MTTP: variants seen among roughly 807,000 people sequenced by gnomAD.
MTTP encodes the protein microsomal triglyceride transfer protein, also known as microsomal triglyceride transfer protein large subunit.
Under a neutral mutation model 90.6 loss-of-function variants are expected in MTTP, and 49 were observed. The observed-to-expected ratio is 0.54, with a 90% CI of 0.43 to 0.69. The LOEUF (loss-of-function observed/expected upper bound fraction) is 0.69, where lower values mean the gene tolerates loss of function less well. Among genes scored for constraint, MTTP ranks in the 30% least tolerant of loss-of-function variants. The pLI is 0.00. For missense variants in MTTP, 945 were observed against 1,067.5 expected, an observed-to-expected ratio of 0.89 and a Z score of 1.60; for synonymous variants, 347 against 384.2, an observed-to-expected ratio of 0.90 and a Z score of 1.13.
In MTTP at chr4:99,619,038, T is replaced by C; in HGVS notation, c.2282T>C (p.Ile761Thr). The change falls in exon 16 of 18, where the codon ATT (isoleucine) becomes ACT (threonine). Residue 761 changes from isoleucine (I) to threonine (T), a missense_variant. By Grantham distance (89) the Ile-to-Thr change is moderately conservative (BLOSUM62 -1). Transcript: ENST00000265517. ...GTCCAGGGTGGTCTAGCTATTGATA[T>C]TTCAGGTGCAATGGAGTTTAGCTTG... Reference protein sequence around the residue: ...IEVQGGLAIDISGAMEFSLWY... With the variant: ...IEVQGGLAIDTSGAMEFSLWY... 6.2e-7 allele frequency: 1 copy of C among 1,613,744 alleles called. No homozygotes were observed. Among genetic ancestry groups the C allele is most frequent in the Non-Finnish European group, 8.5e-7 (1 of 1,179,694 alleles).
chr4:99,582,181 C>T (rs1216116201), intron 2 of MTTP, 89 bp downstream of exon 2: 16 of 1,324,950 alleles, frequency 1.2e-5, no homozygotes, highest in Admixed American at 1.7e-5. Context: ...ATTGGGTTCC[C>T]GTTTATAAAT....
chr4:99,584,039 T>A (rs1214604739), intron 3 of MTTP: 1 of 154,304 alleles, frequency 6.5e-6, no homozygotes, highest in African/African-American at 2.4e-5. Flanking sequence ...ATTTTAAAAC[T>A]ATGACATGGA....
chr4:99,594,655 G>T, intron 6 of MTTP, 78 bp from the exon 7 acceptor site: 1 of 1,537,806 alleles, frequency 6.5e-7, no homozygotes, highest in Non-Finnish European at 9.0e-7. Context: ...TATCTTGTTT[G>T]CCAAAAGAAT....
chr4:99,580,930 C>A (rs1052783622), intron 1 of MTTP, among the ~76,000 whole-genome samples: 5 of 152,154 alleles, frequency 3.3e-5, no homozygotes, highest in Admixed American at 1.3e-4. Flanking sequence ...TCACCCCAAA[C>A]CCCTTTTCTG....
intron 15 of MTTP, among the ~76,000 whole-genome samples, chr4:99,617,453 C>T (rs1397765325): frequency 6.6e-6 from 1 of 152,080 alleles, no homozygotes; most frequent in African/African-American, 2.4e-5. Flanking sequence ...TCAGGGAGAT[C>T]AACACAATCC....
chr4:99,574,813 T>TGAA, upstream of MTTP: 1 of 1,612,514 alleles, frequency 6.2e-7, no homozygotes, highest in South Asian at 1.1e-5. Flanking sequence ...TTGCAGGTTC[T>TGAA]GAAGAGGGTC....
chr4:99,583,646 A>C, intron 3 of MTTP, 129 bp downstream of exon 3: 1 of 1,120,646 alleles, frequency 8.9e-7, no homozygotes, highest in South Asian at 1.3e-5. Context: ...CAAGAACTAA[A>C]GAACAGAGGT....
chr4:99,611,879 C>T (rs1725965175), intron 14 of MTTP, among the ~76,000 whole-genome samples: 1 of 151,884 alleles, frequency 6.6e-6, no homozygotes, highest in Non-Finnish European at 1.5e-5. Flanking sequence ...AGATTGATTC[C>T]CCATAATAAA....
At chr4:99,566,310 A>AAG (rs1724700205) in intron 1 of MTTP, among the ~76,000 whole-genome samples, 1 of 148,744 alleles carries the variant, frequency 6.7e-6, no homozygotes, top group Non-Finnish European at 1.5e-5. Flanking sequence ...AAAAAAAAAA[A>AAG]AAAAGAAAAA....
chr4:99,597,324 C>A, intron 8 of MTTP, 100 bp downstream of exon 8: 1 of 1,302,686 alleles, frequency 7.7e-7, no homozygotes, highest in Non-Finnish European at 1.1e-6. Context: ...AACTGCCCCA[C>A]CACCAAAACA....
rs751715076 is a variant in MTTP at position 99,612,968 on chromosome 4, G to A, written c.2045G>A (p.Gly682Glu). The A allele has an allele frequency of 6.2e-6, 10 of 1,614,014 alleles. No homozygotes were observed. The South Asian group carries it at 9.9e-5, about 16-fold the overall frequency. The change falls in exon 15 of 18, where the codon GGG becomes GAG. Residue 682 changes from glycine (G) to glutamate (E), a missense_variant. Physicochemically the swap from Gly to Glu is moderately conservative, Grantham distance 98. Coordinates refer to ENST00000265517, the MANE Select transcript of MTTP (RefSeq NM_001386140.1). ...TTAATCGCAGCCACCCCTGACGAGG[G>A]GGAGGAGAACCTTGACTCCTATGCT... Reference protein sequence around the residue: ...EALIAATPDEGEENLDSYAGM... With the variant: ...EALIAATPDEEEENLDSYAGM...
At chr4:99,576,916 A>G (rs1724978496) in intron 1 of MTTP, among the ~76,000 whole-genome samples, 1 of 152,116 alleles carries the variant, frequency 6.6e-6, no homozygotes, top group Non-Finnish European at 1.5e-5. Context: ...ACTATTGCAA[A>G]GGTTACTGAA....
chr4:99,591,142 C>T (rs1173991414), intron 4 of MTTP, 93 bp from the exon 5 acceptor site: 3 of 900,702 alleles, frequency 3.3e-6, no homozygotes, highest in Non-Finnish European at 5.7e-6. Context: ...CCCCTATGGC[C>T]TATTAGAGAC....
chr4:99,605,044 T>G (rs1725780599), intron 10 of MTTP, among the ~76,000 whole-genome samples: 1 of 152,216 alleles, frequency 6.6e-6, no homozygotes, highest in African/African-American at 2.4e-5. Flanking sequence ...AGACATTTAG[T>G]TTCATTTGTT....
chr4:99,584,917 C>T (rs1181256396), intron 3 of MTTP, among the ~76,000 whole-genome samples: 1 of 152,108 alleles, frequency 6.6e-6, no homozygotes, highest in Non-Finnish European at 1.5e-5. Context: ...TTTATGAAGC[C>T]TTCTCCGACA....
intron 15 of MTTP, among the ~76,000 whole-genome samples, chr4:99,618,073 G>A (rs528094163): frequency 2.6e-5 from 4 of 151,962 alleles, no homozygotes; most frequent in Non-Finnish European, 5.9e-5. Flanking sequence ...ATAGCAAAAC[G>A]ACAGTATATA....
At position 99,622,696 on chromosome 4, in the gene MTTP, G is replaced by C; in HGVS notation, c.2533G>C (p.Glu845Gln). 6.2e-7 allele frequency: 1 copy of C among 1,613,960 alleles called. No individual in the cohort carries two copies. Among genetic ancestry groups the C allele is most frequent in the Non-Finnish European group, 8.5e-7 (1 of 1,179,888 alleles). ...APFRQFEKKY[E>Q]RLSTGRGYVS... is the part of the protein sequence containing the mutation. The stretch of plus-strand genomic sequence containing the variant: ...GTACAGGCAATTTGAGAAAAAGTAC[G>C]AAAGGCTGTCCACAGGCAGAGGTTA... Residue 845 changes from glutamate to glutamine, a missense_variant, in exon 18 of 18, where the codon GAA becomes CAA. Glu to Gln is a conservative substitution (Grantham distance 29). Transcript: ENST00000265517.
chr4:99,601,956 C>T (rs1057060176), intron 10 of MTTP, among the ~76,000 whole-genome samples: 1 of 151,846 alleles, frequency 6.6e-6, no homozygotes, highest in Non-Finnish European at 1.5e-5. Flanking sequence ...TTTTTCAACA[C>T]CAATTGCTCA....
chr4:99,604,044 A>T (rs1321885165), intron 10 of MTTP, among the ~76,000 whole-genome samples: 1 of 152,188 alleles, frequency 6.6e-6, no homozygotes, highest in Non-Finnish European at 1.5e-5. Context: ...AGATTTGGCC[A>T]TAGTGAATTT....
Sources: gnomAD v4.1 joint callset for allele counts (sites outside exome capture counted in the v4.1 genomes callset) on GRCh38, gnomAD v4.1.1 for gene constraint, MANE v1.5 for transcripts, NCBI Gene and HGNC (gene_info 2026-07-23, HGNC 2026-07-21) for gene names.